AVEN: variants seen among roughly 807,000 people sequenced by gnomAD.
AVEN encodes cell death regulator Aven.
Under a neutral mutation model 38.1 loss-of-function variants are expected in AVEN, and 41 were observed. The observed-to-expected ratio is 1.08, with a 90% CI of 0.84 to 1.40. The LOEUF (loss-of-function observed/expected upper bound fraction) is 1.40, where lower values mean the gene tolerates loss of function less well. Among genes scored for constraint, AVEN ranks in the 40% most tolerant of loss-of-function variants. The pLI, the probability that AVEN is intolerant of heterozygous loss-of-function variation, is 0.00. For missense variants in AVEN, 605 were observed against 438.8 expected (o/e 1.38, Z -3.38); for synonymous variants, 206 against 171.8 (o/e 1.20, Z -1.56).
chr15:34,019,723 A>G (rs1259621925), intron 1 of AVEN, among the ~76,000 whole-genome samples: 1 of 152,240 alleles, frequency 6.6e-6, no homozygotes, highest in Non-Finnish European at 1.5e-5. Flanking sequence ...AACATGCTGT[A>G]CAGGTTTGTA....
At chr15:33,918,991 G>A (rs1340081597) in intron 2 of AVEN, among the ~76,000 whole-genome samples, 2 of 147,964 alleles carry the variant, frequency 1.4e-5, no homozygotes, top group Non-Finnish European at 3.0e-5. Context: ...TGTGATCTCA[G>A]CTCACTGCAA....
chr15:34,038,910 TC>T lies in AVEN; in HGVS notation c.136del (p.Asp46ThrfsTer164). The T allele has an allele frequency of 9.0e-7, 1 of 1,106,844 alleles. No homozygotes were observed. 68.6% of individuals were successfully genotyped at this position (1,106,844 alleles called of 1,614,324 possible). A position where few individuals can be genotyped will look rare whatever the true frequency, so the allele number is the denominator to read the frequency against. Reference protein sequence around the residue: ...ARGGGGGGGGDGGGRRGRGRG... With the variant: ...ARGGGGGGGGXGGGRRGRGRG... ...GCCACGGCCCCGGCGTCCGCCTCCG[TC>T]CCCGCCGCCGCCTCCGCCGCCGCCT... On this transcript the variant is annotated frameshift_variant, in exon 1 of 6. Coordinates refer to ENST00000306730, the MANE Select transcript of AVEN (RefSeq NM_020371.3). LOFTEE classifies it high-confidence loss of function.
intron 2 of AVEN, among the ~76,000 whole-genome samples, chr15:33,956,618 C>T (rs1894963444): frequency 6.6e-6 from 1 of 152,162 alleles, no homozygotes; most frequent in South Asian, 2.1e-4. Context: ...AATCATTTAT[C>T]TTTTGGCCTT....
intron 4 of AVEN, among the ~76,000 whole-genome samples, chr15:33,868,383 C>A (rs1890787238): frequency 2.0e-5 from 3 of 149,390 alleles, no homozygotes; most frequent in Admixed American, 1.3e-4. Flanking sequence ...AACAAACAAA[C>A]AAAAAACAAA....
intron 2 of AVEN, among the ~76,000 whole-genome samples, chr15:33,916,985 T>G (rs1171376121): frequency 6.6e-6 from 1 of 152,050 alleles, no homozygotes; most frequent in South Asian, 2.1e-4. Flanking sequence ...TCAGATCTCA[T>G]GAGAACTCAC....
downstream of AVEN, chr15:33,857,771 C>T (rs2079850295): frequency 6.2e-7 from 1 of 1,613,888 alleles, no homozygotes; most frequent in Admixed American, 1.7e-5. Flanking sequence ...TCTGTCCTCT[C>T]ATTCCCAGTT....
chr15:34,006,758 T>C (rs566649384), intron 1 of AVEN, among the ~76,000 whole-genome samples: 20 of 152,334 alleles, frequency 1.3e-4, no homozygotes, highest in African/African-American at 3.8e-4. Context: ...GAGTTGTCAT[T>C]AGCCTTCATT....
intron 2 of AVEN, among the ~76,000 whole-genome samples, chr15:33,926,504 T>C (rs1368188654): frequency 2.0e-5 from 3 of 152,118 alleles, no homozygotes; most frequent in Non-Finnish European, 4.4e-5. Context: ...GTGCCTCAGA[T>C]TTCTCCTCTT....
chr15:34,049,858 GA>G (rs1373722866), intron 5 of AVEN, among the ~76,000 whole-genome samples: 2 of 150,328 alleles, frequency 1.3e-5, no homozygotes, highest in Non-Finnish European at 3.0e-5. Flanking sequence ...CTACAAGCCA[GA>G]AGAGACTGGG....
chr15:33,905,630 C>T (rs1427085777), intron 2 of AVEN, among the ~76,000 whole-genome samples: 1 of 152,100 alleles, frequency 6.6e-6, no homozygotes, highest in Non-Finnish European at 1.5e-5. Flanking sequence ...TTTATATCAG[C>T]CTGGGAAACA....
chr15:33,860,945 G>A (rs1043383971), intron 11 of AVEN: 1 of 657,854 alleles, frequency 1.5e-6, no homozygotes, highest in Non-Finnish European at 2.5e-6. Flanking sequence ...TGGCACTACT[G>A]AGTGAATGAC....
intron 1 of AVEN, among the ~76,000 whole-genome samples, chr15:34,023,166 C>T (rs994786578): frequency 7.3e-5 from 11 of 151,662 alleles, no homozygotes; most frequent in African/African-American, 1.7e-4. Flanking sequence ...GGCAACAGAG[C>T]GAGACTCGGT....
intron 5 of AVEN, 139 bp downstream of exon 5, chr15:33,867,356 G>A: frequency 2.4e-6 from 3 of 1,234,338 alleles, no homozygotes; most frequent in African/African-American, 1.5e-5. Flanking sequence ...AGAGACGTGA[G>A]CACAGAAATA....
At chr15:33,917,438 A>G (rs1893186807) in intron 2 of AVEN, among the ~76,000 whole-genome samples, 1 of 150,324 alleles carries the variant, frequency 6.7e-6, no homozygotes, top group African/African-American at 2.4e-5. Flanking sequence ...ATATATATAC[A>G]CACATATATA....
intron 2 of AVEN, among the ~76,000 whole-genome samples, chr15:33,926,626 C>T (rs1893616202): frequency 6.6e-6 from 1 of 152,226 alleles, no homozygotes; most frequent in South Asian, 2.1e-4. Flanking sequence ...GCCTAGACAA[C>T]ATAACCAGAC....
intron 2 of AVEN, among the ~76,000 whole-genome samples, chr15:33,996,832 G>A (rs1326225823): frequency 6.6e-6 from 1 of 152,230 alleles, no homozygotes; most frequent in Admixed American, 6.5e-5. Flanking sequence ...GCTAGCAAGA[G>A]AACAAAGCTG....
chr15:34,051,027 C>T (rs908958570), intron 5 of AVEN, among the ~76,000 whole-genome samples: 2 of 152,172 alleles, frequency 1.3e-5, no homozygotes, highest in African/African-American at 4.8e-5. Flanking sequence ...GAACTCTCCA[C>T]CCCAAAACAA....
At chr15:34,024,300 G>T (rs1898340201) in intron 1 of AVEN, among the ~76,000 whole-genome samples, 1 of 152,078 alleles carries the variant, frequency 6.6e-6, no homozygotes, top group African/African-American at 2.4e-5. Flanking sequence ...AGTGATAAAT[G>T]GTATCAAAAT....
chr15:33,865,145 G>C (rs1567374259), downstream of AVEN: 5 of 1,613,216 alleles, frequency 3.1e-6, no homozygotes, highest in African/African-American at 6.7e-5. Flanking sequence ...CTTATGTCTG[G>C]AAGATGTACC....
Sources: allele counts gnomAD v4.1 joint callset (sites outside exome capture counted in the v4.1 genomes callset), GRCh38; gene constraint gnomAD v4.1.1; transcripts MANE v1.5; gene names NCBI Gene and HGNC (gene_info 2026-07-23, HGNC 2026-07-21).